LAMA2: variants seen among roughly 807,000 people sequenced by gnomAD.
LAMA2 encodes the protein laminin subunit alpha-2.
A neutral mutation model predicts 364.8 loss-of-function variants in LAMA2; 269 were observed. That is an observed-to-expected ratio of 0.74 (90% CI 0.67 to 0.82). The LOEUF (loss-of-function observed/expected upper bound fraction) is 0.82. Ranked by LOEUF, LAMA2 falls within the 40% of genes least tolerant of loss-of-function variation. LAMA2 has a pLI of 0.00. For synonymous variants in LAMA2, 1,379 were observed against 1,370.6 expected (o/e 1.01, Z -0.14); for missense variants, 3,807 against 3,873.2 (o/e 0.98, Z 0.45).
chr6:129,398,458 CTTTCT>C (rs1214642822), intron 37 of LAMA2, among the ~76,000 whole-genome samples: 1 of 140,032 alleles, frequency 7.1e-6, no homozygotes, highest in Non-Finnish European at 1.6e-5. Context: ...TTTCTTTTTT[CTTTCT>C]TTTCTTTTCT....
At chr6:128,923,071 T>G (rs1029855389) in intron 1 of LAMA2, among the ~76,000 whole-genome samples, 1 of 147,462 alleles carries the variant, frequency 6.8e-6, no homozygotes, top group African/African-American at 2.5e-5. Flanking sequence ...GATCTATATC[T>G]CTGTTTTGGT....
intron 12 of LAMA2, among the ~76,000 whole-genome samples, chr6:129,241,669 A>AT (rs560294582): frequency 2.8e-4 from 43 of 152,268 alleles, no homozygotes; most frequent in African/African-American, 6.3e-4. Flanking sequence ...AATGAGCTTA[A>AT]TTTTTTGTGT....
rs2571581 is a variant in LAMA2 at position 129,481,571 on chromosome 6, A to T, written c.7749+132A>T. 224,930 of 772,518 alleles carry T rather than the reference A, an allele frequency of 0.29. 35,489 individuals are homozygous for T. Among genetic ancestry groups the T allele is most frequent in the African/African-American group, 0.54 (31,501 of 58,528 alleles). 47.9% of individuals were successfully genotyped at this position (772,518 alleles called of 1,614,324 possible). A position where few individuals can be genotyped will look rare whatever the true frequency, so the allele number is the denominator to read the frequency against. ...GGCTAGCAAGGACTGAACATTCCAT[A>T]TTTCCATGCTGGCCTCCTATTTCAC... On this transcript the variant is annotated intron_variant, in intron 55 of 64. Coordinates refer to ENST00000421865, the MANE Select transcript of LAMA2 (RefSeq NM_000426.4).
At chr6:129,321,405 A>AGT (rs1774958942) in intron 28 of LAMA2, among the ~76,000 whole-genome samples, 1 of 152,120 alleles carries the variant, frequency 6.6e-6, no homozygotes, top group Non-Finnish European at 1.5e-5. Context: ...TAGCAGGTAA[A>AGT]CACCAAGTCC....
rs140307546 is a variant in LAMA2 at position 129,045,427 on chromosome 6, T to C, written c.113-4491T>C. ...TACTTTAGGCCCTGACAAGAAGTCT[T>C]GTAAGCTTTTTAAAGAGCTCACTTC... is the stretch of plus-strand genomic sequence containing the variant. On this transcript the variant is annotated intron_variant, in intron 1 of 64. Transcript: ENST00000421865. Among the ~76,000 whole-genome samples, 21 of 152,336 alleles carry C rather than the reference T, an allele frequency of 1.4e-4. No individual in the cohort carries two copies. In the East Asian group the frequency reaches 4.0e-3, roughly 29 times the overall value.
At chr6:129,019,229 A>G (rs1366940317) in intron 1 of LAMA2, among the ~76,000 whole-genome samples, 5 of 151,982 alleles carry the variant, frequency 3.3e-5, no homozygotes, top group Admixed American at 1.3e-4. Context: ...ACTCATTGCA[A>G]TATACAAAAT....
intron 8 of LAMA2, among the ~76,000 whole-genome samples, chr6:129,156,529 T>G (rs1251361645): frequency 6.6e-6 from 1 of 152,074 alleles, no homozygotes; most frequent in Non-Finnish European, 1.5e-5. Flanking sequence ...ATTTCTTTTT[T>G]TTTTTTTAAA....
intron 1 of LAMA2, among the ~76,000 whole-genome samples, chr6:128,969,096 C>T (rs952829983): frequency 6.6e-6 from 1 of 152,064 alleles, no homozygotes; most frequent in Non-Finnish European, 1.5e-5. Flanking sequence ...GGGCCCAAAC[C>T]CCTGAGCAGT....
chr6:129,205,879 C>T (rs1035665150), intron 12 of LAMA2, among the ~76,000 whole-genome samples: 6 of 151,616 alleles, frequency 4.0e-5, no homozygotes, highest in Admixed American at 2.6e-4. Context: ...CAAAAATTAG[C>T]GGGTGTGGTG....
intron 1 of LAMA2, among the ~76,000 whole-genome samples, chr6:128,914,116 AAAT>A (rs1182413213): frequency 6.6e-6 from 1 of 152,206 alleles, no homozygotes; most frequent in East Asian, 1.9e-4. Flanking sequence ...AAATGTCCAT[AAAT>A]AATTTTGAAA....
At chr6:129,363,713 A>G (rs1272421266) in intron 32 of LAMA2, among the ~76,000 whole-genome samples, 2 of 152,176 alleles carry the variant, frequency 1.3e-5, no homozygotes, top group Non-Finnish European at 2.9e-5. Flanking sequence ...CTCCTGATTC[A>G]GAAATACTAG....
chr6:129,284,410 C>A (rs1788951089), intron 18 of LAMA2, among the ~76,000 whole-genome samples: 1 of 152,104 alleles, frequency 6.6e-6, no homozygotes, highest in Non-Finnish European at 1.5e-5. Context: ...ATTTGCATAT[C>A]TCCAGTTGTT....
chr6:129,125,967 G>A (rs918333723), intron 4 of LAMA2, among the ~76,000 whole-genome samples: 1 of 151,916 alleles, frequency 6.6e-6, no homozygotes, highest in Non-Finnish European at 1.5e-5. Flanking sequence ...AAAACGCCAG[G>A]CAAAAATATG....
At chr6:129,019,985 T>C (rs12209976) in intron 1 of LAMA2, among the ~76,000 whole-genome samples, 21,202 of 151,244 alleles carry the variant, frequency 0.14, 1,613 homozygotes, top group South Asian at 0.19. Context: ...CTCAGGAGGC[T>C]GAGGCAGGAG....
chr6:129,046,955 A>G (rs1326307344), intron 1 of LAMA2, among the ~76,000 whole-genome samples: 2 of 152,242 alleles, frequency 1.3e-5, no homozygotes, highest in Non-Finnish European at 2.9e-5. Flanking sequence ...TATGTGCTCA[A>G]AACATATTTG....
intron 1 of LAMA2, among the ~76,000 whole-genome samples, chr6:128,918,878 A>C (rs1047308130): frequency 1.3e-5 from 2 of 152,188 alleles, no homozygotes; most frequent in African/African-American, 2.4e-5. Context: ...TGGGAGCAGC[A>C]GGGAACATAA....
chr6:129,395,831 G>GA (rs1427423446), intron 37 of LAMA2, among the ~76,000 whole-genome samples: 4 of 152,168 alleles, frequency 2.6e-5, no homozygotes, highest in Non-Finnish European at 5.9e-5. Context: ...CAGAAACTGG[G>GA]AAAAACATAT....
At chr6:128,923,593 G>A (rs2114494607) in intron 1 of LAMA2, among the ~76,000 whole-genome samples, 1 of 152,194 alleles carries the variant, frequency 6.6e-6, no homozygotes, top group African/African-American at 2.4e-5. Flanking sequence ...AATACAGAAA[G>A]GATGAAGATA....
At chr6:129,252,601 G>A (rs1201426400) in intron 14 of LAMA2, among the ~76,000 whole-genome samples, 1 of 152,080 alleles carries the variant, frequency 6.6e-6, no homozygotes, top group Non-Finnish European at 1.5e-5. Flanking sequence ...CTTTATGATG[G>A]CTCATAGCGT....
Sources: allele counts gnomAD v4.1 joint callset (sites outside exome capture counted in the v4.1 genomes callset), GRCh38; gene constraint gnomAD v4.1.1; transcripts MANE v1.5; gene names NCBI Gene and HGNC (gene_info 2026-07-23, HGNC 2026-07-21).